Variants in SLC24A3 observed in about 807,000 individuals in gnomAD.
The protein encoded by SLC24A3 is solute carrier family 24 member 3, also known as sodium/potassium/calcium exchanger 3.
Under a neutral mutation model 75.8 loss-of-function variants are expected in SLC24A3, and 28 were observed. The observed-to-expected ratio is 0.37, with a 90% confidence interval of 0.27 to 0.51. The LOEUF (loss-of-function observed/expected upper bound fraction) is 0.51. SLC24A3 is among the 20% of genes least tolerant of loss of function. SLC24A3 has a pLI of 0.94. For missense variants in SLC24A3, 663 were observed against 847.8 expected, an observed-to-expected ratio of 0.78 and a Z score of 2.71; for synonymous variants, 372 against 334.1, an observed-to-expected ratio of 1.11 and a Z score of -1.24.
chr20:19,436,353 C>T (rs945874142), intron 2 of SLC24A3, among the ~76,000 whole-genome samples: 16 of 152,168 alleles, frequency 1.1e-4, no homozygotes, highest in African/African-American at 2.7e-4. Flanking sequence ...TTTAGCATGA[C>T]GCTCAGATTT....
At chr20:19,305,058 G>A (rs182885716) in intron 2 of SLC24A3, among the ~76,000 whole-genome samples, 19 of 152,282 alleles carry the variant, frequency 1.2e-4, no homozygotes, top group Admixed American at 3.9e-4. Context: ...CCCCATGAAG[G>A]ATCAACTCTG....
chr20:19,614,646 C>G (rs1461243243), intron 6 of SLC24A3, among the ~76,000 whole-genome samples: 9 of 152,204 alleles, frequency 5.9e-5, no homozygotes, highest in Admixed American at 5.9e-4. Context: ...TTCTTATTAA[C>G]CAAAGACGCA....
chr20:19,454,252 C>A (rs1441404012), intron 2 of SLC24A3, among the ~76,000 whole-genome samples: 3 of 152,162 alleles, frequency 2.0e-5, no homozygotes, highest in Admixed American at 6.5e-5. Flanking sequence ...GGGGAAGACC[C>A]ATCAATGTTG....
At chr20:19,628,219 A>AG (rs1568677877) in intron 6 of SLC24A3, among the ~76,000 whole-genome samples, 2 of 150,770 alleles carry the variant, frequency 1.3e-5, no homozygotes, top group East Asian at 1.9e-4. Context: ...AAAAAAAAAA[A>AG]AAAGAAAAAG....
intron 3 of SLC24A3, among the ~76,000 whole-genome samples, chr20:19,546,188 A>AAAAAAAAAAAAC (rs1568651726): frequency 1.4e-5 from 2 of 145,694 alleles, no homozygotes; most frequent in African/African-American, 5.1e-5. Context: ...AAAAAAAAAA[A>AAAAAAAAAAAAC]CCAGGTAATC....
chr20:19,639,654 G>A (rs555663525), intron 6 of SLC24A3, among the ~76,000 whole-genome samples: 3 of 152,230 alleles, frequency 2.0e-5, no homozygotes, highest in East Asian at 3.9e-4. Context: ...TTGGGTGGTC[G>A]ATGGGACTGG....
intron 3 of SLC24A3, among the ~76,000 whole-genome samples, chr20:19,572,519 A>G (rs1052551595): frequency 2.0e-5 from 3 of 152,184 alleles, no homozygotes; most frequent in African/African-American, 7.2e-5. Flanking sequence ...CATGGGTGTT[A>G]ATTTTCAAGC....
At chr20:19,380,976 A>G (rs1418494301) in intron 2 of SLC24A3, among the ~76,000 whole-genome samples, 1 of 152,164 alleles carries the variant, frequency 6.6e-6, no homozygotes, top group African/African-American at 2.4e-5. Context: ...CACATAGGTA[A>G]GACACCTGGT....
intron 2 of SLC24A3, among the ~76,000 whole-genome samples, chr20:19,325,789 TATATATAGAGAGAG>T (rs1300140036): frequency 6.5e-5 from 6 of 92,498 alleles, no homozygotes; most frequent in East Asian, 3.5e-4. Flanking sequence ...TATATATATA[TATATATAGAGAGAG>T]AGAGAGAGAG....
intron 1 of SLC24A3, among the ~76,000 whole-genome samples, chr20:19,268,553 T>A (rs1983233143): frequency 6.6e-6 from 1 of 152,186 alleles, no homozygotes; most frequent in Admixed American, 6.5e-5. Context: ...CGGGCTAAAG[T>A]GATTCAACTT....
chr20:19,378,030 A>G lies in SLC24A3; in HGVS notation c.271+96943A>G, dbSNP rs1306125984. Among the ~76,000 whole-genome samples, 4 of 152,324 alleles carry G rather than the reference A, an allele frequency of 2.6e-5. No homozygotes were observed. The South Asian group carries it at 8.3e-4, about 32-fold the overall frequency. On this transcript the variant is annotated intron_variant, in intron 2 of 16. Coordinates refer to ENST00000328041, the MANE Select transcript of SLC24A3 (RefSeq NM_020689.4). Reference sequence around the variant, plus strand: ...CCACCACCTAAAGTGTTTACTCTCTATCCCTTTACAGAAAAGGTTTCCTGG... The same window carrying G: ...CCACCACCTAAAGTGTTTACTCTCTGTCCCTTTACAGAAAAGGTTTCCTGG...
At chr20:19,364,984 G>T (rs1330274666) in intron 2 of SLC24A3, among the ~76,000 whole-genome samples, 1 of 152,186 alleles carries the variant, frequency 6.6e-6, no homozygotes, top group Non-Finnish European at 1.5e-5. Flanking sequence ...GCATCAGGCA[G>T]CCTCCATGTG....
intron 1 of SLC24A3, among the ~76,000 whole-genome samples, chr20:19,280,116 G>A (rs747419086): frequency 1.3e-5 from 2 of 152,080 alleles, no homozygotes; most frequent in Non-Finnish European, 2.9e-5. Context: ...TGCTCTGTAG[G>A]CTCTTCAAAC....
chr20:19,608,133 G>A (rs1245570797), intron 6 of SLC24A3, among the ~76,000 whole-genome samples: 3 of 152,196 alleles, frequency 2.0e-5, no homozygotes, highest in African/African-American at 7.2e-5. Context: ...TCCCCAGGTG[G>A]ACACAATCTT....
chr20:19,682,298 T>C (rs753472868), intron 10 of SLC24A3, among the ~76,000 whole-genome samples: 18 of 152,096 alleles, frequency 1.2e-4, no homozygotes, highest in Non-Finnish European at 1.9e-4. Context: ...CAAGGAGATA[T>C]TGTGTGTGAG....
intron 2 of SLC24A3, among the ~76,000 whole-genome samples, chr20:19,428,247 T>G (rs2122448040): frequency 6.6e-6 from 1 of 152,316 alleles, no homozygotes; most frequent in Non-Finnish European, 1.5e-5. Context: ...TACCTTCTGG[T>G]TTGCCTCAAC....
At chr20:19,404,834 G>T (rs1346086785) in intron 2 of SLC24A3, among the ~76,000 whole-genome samples, 1 of 152,178 alleles carries the variant, frequency 6.6e-6, no homozygotes, top group African/African-American at 2.4e-5. Context: ...CCCTAATTAA[G>T]TGGCAGTTCT....
intron 15 of SLC24A3, among the ~76,000 whole-genome samples, chr20:19,712,337 G>T (rs899881855): frequency 4.6e-5 from 7 of 152,002 alleles, no homozygotes; most frequent in African/African-American, 1.7e-4. Flanking sequence ...AAACTCACGA[G>T]CCAGGCATCT....
At chr20:19,560,533 G>A (rs927501145) in intron 3 of SLC24A3, among the ~76,000 whole-genome samples, 2 of 152,230 alleles carry the variant, frequency 1.3e-5, no homozygotes, top group Admixed American at 6.5e-5. Context: ...TCCATTGTCA[G>A]AAGTGGGCAG....
Sources: gnomAD v4.1 joint callset for allele counts (sites outside exome capture counted in the v4.1 genomes callset) on GRCh38, gnomAD v4.1.1 for gene constraint, MANE v1.5 for transcripts, NCBI Gene and HGNC (gene_info 2026-07-23, HGNC 2026-07-21) for gene names.